Variants in FAAH2 observed in about 807,000 individuals in gnomAD.
FAAH2 encodes the protein fatty acid amide hydrolase 2.
In FAAH2, 60 loss-of-function variants were observed where a neutral mutation model predicts 36.9. The observed-to-expected ratio is 1.63, with a 90% CI of 1.32 to 2.02. FAAH2 has a LOEUF of 2.02. Among genes scored for constraint, FAAH2 ranks in the 30% most tolerant of loss-of-function variants. FAAH2 has a pLI of 0.00. For synonymous variants in FAAH2, 214 were observed against 143.8 expected, an observed-to-expected ratio of 1.49 and a Z score of -3.49; for missense variants, 689 against 397.5, an observed-to-expected ratio of 1.73 and a Z score of -6.23.
At chrX:57,441,615 C>T (rs747228596) in intron 8 of FAAH2, among the ~76,000 whole-genome samples, 1 of 108,709 alleles carries the variant, frequency 9.2e-6, no homozygotes, top group Non-Finnish European at 1.9e-5. Context: ...TCCTTCAGTT[C>T]TGCTCTGATC....
At chrX:57,379,501 G>T (rs2054779837) in intron 6 of FAAH2, among the ~76,000 whole-genome samples, 1 of 105,135 alleles carries the variant, frequency 9.5e-6, no homozygotes, top group Admixed American at 1.1e-4. Flanking sequence ...ATCTTAGTAT[G>T]ACTTTAACCT....
the FAAH2 span, among the ~76,000 whole-genome samples, chrX:57,172,249 C>T: frequency 3.6e-5 from 4 of 111,240 alleles, no homozygotes; most frequent in Non-Finnish European, 5.7e-5. Context: ...TTTTTGGTTT[C>T]GAATAAATTT....
the FAAH2 span, among the ~76,000 whole-genome samples, chrX:57,188,816 C>T: frequency 4.5e-5 from 5 of 111,323 alleles, no homozygotes; most frequent in East Asian, 1.4e-3. Flanking sequence ...CTTTCCTTCA[C>T]ATTTTTTCCT....
chrX:57,158,972 T>G, the FAAH2 span, among the ~76,000 whole-genome samples: 1 of 112,636 alleles, frequency 8.9e-6, no homozygotes, highest in East Asian at 2.8e-4. Flanking sequence ...TTTTTATGGT[T>G]TTAGGTCTAA....
At chrX:57,225,683 T>A in the FAAH2 span, among the ~76,000 whole-genome samples, 2 of 111,925 alleles carry the variant, frequency 1.8e-5, no homozygotes, top group East Asian at 5.6e-4. Flanking sequence ...TTTAAATCCA[T>A]TGTTTCTTTG....
chrX:57,293,418 AATAG>A (rs1370528940), intron 2 of FAAH2, among the ~76,000 whole-genome samples: 1 of 112,318 alleles, frequency 8.9e-6, no homozygotes, highest in Non-Finnish European at 1.9e-5. Context: ...TTTGTATCAT[AATAG>A]ATACTTTATA....
chrX:57,369,485 A>G (rs1030711939), intron 5 of FAAH2, among the ~76,000 whole-genome samples: 1 of 111,751 alleles, frequency 8.9e-6, no homozygotes, highest in Non-Finnish European at 1.9e-5. Flanking sequence ...TTGTCAAGTC[A>G]CATATAAAAG....
chrX:57,452,154 G>A, intron 10 of FAAH2: 1 of 753,787 alleles, frequency 1.3e-6, no homozygotes, highest in Non-Finnish European at 1.6e-6. Context: ...AAGATCTCTT[G>A]GACCATTTAT....
At chrX:57,415,821 G>A (rs1434999312) in intron 7 of FAAH2, among the ~76,000 whole-genome samples, 1 of 110,852 alleles carries the variant, frequency 9.0e-6, no homozygotes, top group Non-Finnish European at 1.9e-5. Flanking sequence ...TATTGACAGT[G>A]GGGTGTTAAA....
At chrX:57,478,863 C>A (rs1035464644) in intron 10 of FAAH2, among the ~76,000 whole-genome samples, 10 of 111,506 alleles carry the variant, frequency 9.0e-5, no homozygotes, top group Admixed American at 4.8e-4. Flanking sequence ...GTTTTGGTAC[C>A]AATACCATGC....
chrX:57,440,735 G>A (rs1435482461), intron 8 of FAAH2, among the ~76,000 whole-genome samples: 1 of 111,370 alleles, frequency 9.0e-6, no homozygotes, highest in African/African-American at 3.3e-5. Flanking sequence ...ATTGGCTTTG[G>A]GTTTGGCATA....
chrX:57,167,253 A>C, the FAAH2 span, among the ~76,000 whole-genome samples: 2 of 111,714 alleles, frequency 1.8e-5, no homozygotes, highest in African/African-American at 6.5e-5. Flanking sequence ...CTAGCTGTAT[A>C]TATCACCTCT....
chrX:57,449,891 C>T lies in FAAH2; in HGVS notation c.1423+1173C>T, dbSNP rs769358377. ...ATGTTGGCCAGGCTGGTCTTGAACT[C>T]CTGACCTCAGATTATCTGTCCGCCT... is the stretch of plus-strand genomic sequence containing the variant. On this transcript the variant is annotated intron_variant, in intron 10 of 10. Coordinates refer to ENST00000374900, the MANE Select transcript of FAAH2 (RefSeq NM_174912.4). Among the ~76,000 whole-genome samples, 8 of 111,647 alleles carry T rather than the reference C, an allele frequency of 7.2e-5. No individual in the cohort carries two copies. In the South Asian group the frequency reaches 1.1e-3, roughly 16 times the overall value.
intron 4 of FAAH2, among the ~76,000 whole-genome samples, chrX:57,332,535 A>G (rs1183178360): frequency 8.9e-6 from 1 of 112,397 alleles, no homozygotes; most frequent in African/African-American, 3.2e-5. Flanking sequence ...GAAACTTGCT[A>G]GAACAAAAGC....
At chrX:57,334,712 A>G (rs772427948) in intron 4 of FAAH2, among the ~76,000 whole-genome samples, 2 of 111,906 alleles carry the variant, frequency 1.8e-5, no homozygotes, top group African/African-American at 3.2e-5. Flanking sequence ...ATGTTCCTTT[A>G]TAAGATAACT....
intron 7 of FAAH2, among the ~76,000 whole-genome samples, chrX:57,420,526 G>T (rs1185190212): frequency 2.7e-5 from 3 of 111,053 alleles, no homozygotes; most frequent in African/African-American, 9.8e-5. Context: ...CTGTTTGTCT[G>T]TTATTGGTGT....
chrX:57,261,553 A>AG, the FAAH2 span, among the ~76,000 whole-genome samples: 1 of 62,428 alleles, frequency 1.6e-5, no homozygotes, highest in Non-Finnish European at 3.6e-5. Context: ...ACTCTGTCTC[A>AG]AAAAAAAAAA....
Position 57,314,263 on chromosome X carries a change from A to T in FAAH2, c.412+3534A>T, listed in dbSNP as rs183485868. Among the ~76,000 whole-genome samples, 3 of 111,672 alleles carry T rather than the reference A, an allele frequency of 2.7e-5. No individual in the cohort carries two copies. In the Admixed American group the frequency reaches 2.9e-4, roughly 11 times the overall value. On this transcript the variant is annotated intron_variant, in intron 3 of 10. Transcript: ENST00000374900. ...AAAAAATCTTCATGACCTGAGAAAA[A>T]TCTTAGACAGCCACACAATAATAGT...
At chrX:57,412,635 T>C in intron 7 of FAAH2, among the ~76,000 whole-genome samples, 1 of 112,461 alleles carries the variant, frequency 8.9e-6, no homozygotes, top group East Asian at 2.8e-4. Flanking sequence ...GATGGGTATT[T>C]GCCTTGGTTC....
Sources: allele counts gnomAD v4.1 joint callset (sites outside exome capture counted in the v4.1 genomes callset), GRCh38; gene constraint gnomAD v4.1.1; transcripts MANE v1.5; gene names NCBI Gene and HGNC (gene_info 2026-07-23, HGNC 2026-07-21).